Variants in CACNA2D3 observed in about 807,000 individuals in gnomAD.
CACNA2D3 encodes calcium voltage-gated channel auxiliary subunit alpha2delta 3, also known as voltage-dependent calcium channel subunit alpha-2/delta-3.
Under a neutral mutation model 160.6 loss-of-function variants are expected in CACNA2D3, and 60 were observed. The observed-to-expected ratio is 0.37, with a 90% CI of 0.30 to 0.46. The LOEUF (loss-of-function observed/expected upper bound fraction) is 0.46. CACNA2D3 is among the 20% of genes least tolerant of loss of function. The pLI, the probability that CACNA2D3 is intolerant of heterozygous loss-of-function variation, is 1.00. For synonymous variants in CACNA2D3, 558 were observed against 492.9 expected (o/e 1.13, Z -1.75); for missense variants, 1,205 against 1,365.0 (o/e 0.88, Z 1.85).
chr3:54,821,325 C>G (rs976945919), intron 14 of CACNA2D3, among the ~76,000 whole-genome samples: 15 of 152,144 alleles, frequency 9.9e-5, no homozygotes, highest in Admixed American at 5.9e-4. Flanking sequence ...TTTAATAGCC[C>G]GACTGCGTGT....
At chr3:55,064,001 T>A (rs1704575962) in intron 35 of CACNA2D3, among the ~76,000 whole-genome samples, 1 of 152,250 alleles carries the variant, frequency 6.6e-6, no homozygotes, top group African/African-American at 2.4e-5. Flanking sequence ...TCTTGACTGT[T>A]CATGATTTTT....
chr3:54,408,292 A>G (rs1167686854), intron 4 of CACNA2D3, among the ~76,000 whole-genome samples: 1 of 152,142 alleles, frequency 6.6e-6, no homozygotes, highest in Non-Finnish European at 1.5e-5. Flanking sequence ...GCTCCACTCA[A>G]TATCTCCAAG....
intron 11 of CACNA2D3, among the ~76,000 whole-genome samples, chr3:54,678,321 A>G (rs1332838361): frequency 2.6e-5 from 4 of 152,232 alleles, no homozygotes; most frequent in East Asian, 1.9e-4. Flanking sequence ...GAAGCTGACA[A>G]GAAGAGGGAC....
intron 11 of CACNA2D3, among the ~76,000 whole-genome samples, chr3:54,708,648 A>G (rs1559554968): frequency 6.6e-6 from 1 of 152,192 alleles, no homozygotes; most frequent in Non-Finnish European, 1.5e-5. Flanking sequence ...AGATAATTAA[A>G]TCTTTTAGAG....
At position 54,805,257 on chromosome 3, in the gene CACNA2D3, C is replaced by T. The variant is rs977976926; in HGVS notation, c.1381-11596C>T. On this transcript the variant is annotated intron_variant, in intron 13 of 37. Transcript: ENST00000474759. ...AAAACCCTTCAAAAAATTAATGAATCCAGGAGCTGGTTTTTTGAAAGGATC... is the reference window on the plus strand; with the variant it reads ...AAAACCCTTCAAAAAATTAATGAATTCAGGAGCTGGTTTTTTGAAAGGATC... 1.8e-4 allele frequency among the ~76,000 whole-genome samples: 28 copies of T among 152,224 alleles called. 1 individual carries two copies. The highest frequency in any genetic ancestry group is 6.7e-4 in the African/African-American group (28 of 41,536).
chr3:54,141,088 C>T (rs9842778), intron 2 of CACNA2D3, among the ~76,000 whole-genome samples: 73,610 of 118,740 alleles, frequency 0.62, 19,826 homozygotes, highest in East Asian at 0.66. Context: ...TGTGTGTGTG[C>T]GCGCGCGCGC....
chr3:54,210,486 GAA>G (rs919771803), intron 2 of CACNA2D3, among the ~76,000 whole-genome samples: 1 of 151,954 alleles, frequency 6.6e-6, no homozygotes, highest in African/African-American at 2.4e-5. Flanking sequence ...ACTGGTGTAA[GAA>G]AAAATATGTT....
chr3:55,045,334 G>A (rs753032977), intron 35 of CACNA2D3, among the ~76,000 whole-genome samples: 25 of 152,314 alleles, frequency 1.6e-4, no homozygotes, highest in Non-Finnish European at 2.8e-4. Context: ...ACAGGCGTGA[G>A]CCACCGCGTC....
Position 54,402,006 on chromosome 3 carries a change from G to A in CACNA2D3, c.381+15232G>A, listed in dbSNP as rs183564471. On this transcript the variant is annotated intron_variant, in intron 4 of 37. Coordinates refer to ENST00000474759, the MANE Select transcript of CACNA2D3 (RefSeq NM_018398.3). ...CAAAAATATAAATTGTTGGGAGAGGGCAAAAGTCAAGAGTGTTTGTATGAG... is the reference window on the plus strand; with the variant it reads ...CAAAAATATAAATTGTTGGGAGAGGACAAAAGTCAAGAGTGTTTGTATGAG... Among the ~76,000 whole-genome samples, 43 of 152,200 alleles carry A rather than the reference G, an allele frequency of 2.8e-4. 1 individual carries two copies. The East Asian group carries it at 7.9e-3, about 28-fold the overall frequency.
At chr3:54,854,909 G>T (rs1335927874) in intron 17 of CACNA2D3, among the ~76,000 whole-genome samples, 1 of 152,206 alleles carries the variant, frequency 6.6e-6, no homozygotes, top group Non-Finnish European at 1.5e-5. Context: ...ACCTCTGTGA[G>T]CCCATAGTTC....
At chr3:54,806,278 C>G (rs1198921014) in intron 13 of CACNA2D3, among the ~76,000 whole-genome samples, 1 of 152,090 alleles carries the variant, frequency 6.6e-6, no homozygotes, top group Admixed American at 6.5e-5. Context: ...TGTTTGCAGA[C>G]GACATGATTG....
rs1273903730 is a variant in CACNA2D3 at position 54,675,555 on chromosome 3, C to T, written c.1167+33314C>T. Among the ~76,000 whole-genome samples the T allele has an allele frequency of 2.0e-5, 3 of 152,104 alleles. No individual in the cohort carries two copies. In the East Asian group the frequency reaches 5.8e-4, roughly 29 times the overall value. ...CTCTCCCTGAAGTTCATGGCTTAGG[C>T]AGTGGGCAGGGATGAGTCTAGGACT... On this transcript the variant is annotated intron_variant, in intron 11 of 37. Coordinates refer to ENST00000474759, the MANE Select transcript of CACNA2D3 (RefSeq NM_018398.3).
chr3:55,073,639 A>G, intron 36 of CACNA2D3, 82 bp downstream of exon 36: 2 of 1,287,152 alleles, frequency 1.6e-6, no homozygotes, highest in South Asian at 1.2e-5. Flanking sequence ...GGGGAGAAAT[A>G]TTAGAGAAGG....
chr3:54,280,344 G>A (rs1383081797), intron 2 of CACNA2D3, among the ~76,000 whole-genome samples: 1 of 152,160 alleles, frequency 6.6e-6, no homozygotes, highest in Non-Finnish European at 1.5e-5. Context: ...GCCTCCCAAA[G>A]TGCTGGGATT....
chr3:54,671,332 C>T (rs989969135), intron 11 of CACNA2D3, among the ~76,000 whole-genome samples: 1 of 151,936 alleles, frequency 6.6e-6, no homozygotes, highest in African/African-American at 2.4e-5. Context: ...AGGGGAGCTT[C>T]AGAGACACCT....
At chr3:54,862,313 C>CTG (rs1191507049) in intron 17 of CACNA2D3, among the ~76,000 whole-genome samples, 4 of 151,944 alleles carry the variant, frequency 2.6e-5, no homozygotes, top group Non-Finnish European at 5.9e-5. Context: ...GTATCTTCAA[C>CTG]AATTTTTAGC....
chr3:54,825,434 G>C (rs147642524), intron 14 of CACNA2D3, among the ~76,000 whole-genome samples: 39 of 152,302 alleles, frequency 2.6e-4, no homozygotes, highest in African/African-American at 9.1e-4. Flanking sequence ...ATACAATTCT[G>C]TAGGTCATTT....
intron 5 of CACNA2D3, among the ~76,000 whole-genome samples, chr3:54,553,359 G>A (rs73093859): frequency 0.14 from 20,644 of 152,174 alleles, 1,796 homozygotes; most frequent in Non-Finnish European, 0.18. Context: ...AACCATTCTC[G>A]TCTTGAATTT....
At chr3:54,805,821 G>A (rs1229990241) in intron 13 of CACNA2D3, among the ~76,000 whole-genome samples, 1 of 152,106 alleles carries the variant, frequency 6.6e-6, no homozygotes, top group Non-Finnish European at 1.5e-5. Context: ...CTGGCAAACT[G>A]AATCCAGCAG....
Sources: gnomAD v4.1 joint callset for allele counts (sites outside exome capture counted in the v4.1 genomes callset) on GRCh38, gnomAD v4.1.1 for gene constraint, MANE v1.5 for transcripts, NCBI Gene and HGNC (gene_info 2026-07-23, HGNC 2026-07-21) for gene names.